EML4: variants seen among roughly 807,000 people sequenced by gnomAD.
EML4 encodes the protein echinoderm microtubule-associated protein-like 4.
EML4 carries 72 observed loss-of-function variants against 129.0 expected under a neutral mutation model. The observed-to-expected ratio is 0.56, with a 90% CI of 0.46 to 0.68. The LOEUF (loss-of-function observed/expected upper bound fraction) is 0.68, where lower values mean the gene tolerates loss of function less well. Among genes scored for constraint, EML4 ranks in the 30% least tolerant of loss-of-function variants. EML4 has a pLI of 0.00. For synonymous variants in EML4, 532 were observed against 405.0 expected (o/e 1.31, Z -3.77); for missense variants, 1,363 against 1,190.6 (o/e 1.14, Z -2.13).
intron 17 of EML4, among the ~76,000 whole-genome samples, chr2:42,306,055 T>G (rs1668576552): frequency 6.6e-6 from 1 of 152,228 alleles, no homozygotes; most frequent in Non-Finnish European, 1.5e-5. Flanking sequence ...GAGATGCTAT[T>G]GAGTGAAATC....
chr2:42,242,857 A>G (rs957105094), intron 1 of EML4, among the ~76,000 whole-genome samples: 1 of 151,626 alleles, frequency 6.6e-6, no homozygotes, highest in African/African-American at 2.4e-5. Flanking sequence ...CTTGAATTAA[A>G]CCCATCTTTG....
At chr2:42,214,704 T>C (rs1159000514) in intron 1 of EML4, among the ~76,000 whole-genome samples, 1 of 152,178 alleles carries the variant, frequency 6.6e-6, no homozygotes, top group African/African-American at 2.4e-5. Context: ...GTCGTACCTT[T>C]TGCATGTCTG....
chr2:42,186,152 A>G (rs1272385160), intron 1 of EML4, among the ~76,000 whole-genome samples: 1 of 152,118 alleles, frequency 6.6e-6, no homozygotes, highest in Non-Finnish European at 1.5e-5. Flanking sequence ...CTGCCTACCT[A>G]CTTTGGATTG....
At chr2:42,238,959 G>C (rs986255597) in intron 1 of EML4, among the ~76,000 whole-genome samples, 2 of 152,008 alleles carry the variant, frequency 1.3e-5, no homozygotes, top group African/African-American at 4.8e-5. Context: ...TGTAGAGACA[G>C]GGTCACCCTA....
chr2:42,250,859 C>T (rs1675720526), intron 2 of EML4, among the ~76,000 whole-genome samples: 1 of 152,008 alleles, frequency 6.6e-6, no homozygotes, highest in African/African-American at 2.4e-5. Context: ...CGTTGGGAGC[C>T]CTGAGTTTGT....
chr2:42,329,804 A>C lies in EML4; in HGVS notation c.2543A>C (p.His848Pro). ...TNVSFTHNDS[H>P]LISTGGKDMS... ...GTCAGTTTTACTCACAATGACAGTCACCTGATATCAACTGGTGGAAAAGAC... is the reference window on the plus strand; with the variant it reads ...GTCAGTTTTACTCACAATGACAGTCCCCTGATATCAACTGGTGGAAAAGAC... The change falls in exon 23 of 23, where the codon CAC (histidine) becomes CCC (proline). Residue 848 changes from histidine to proline, a missense_variant. By Grantham distance (77) the His-to-Pro change is moderately conservative. Transcript: ENST00000318522. 2 of 1,614,152 alleles carry C rather than the reference A, an allele frequency of 1.2e-6. No homozygotes were observed. Among genetic ancestry groups the C allele is most frequent in the Non-Finnish European group, 1.7e-6 (2 of 1,180,018 alleles).
intron 1 of EML4, among the ~76,000 whole-genome samples, chr2:42,231,847 G>A (rs936952372): frequency 6.6e-6 from 1 of 152,138 alleles, no homozygotes; most frequent in Non-Finnish European, 1.5e-5. Context: ...TACTCAGGAG[G>A]CTGAGGTGGG....
At chr2:42,310,441 G>A (rs529256469) in intron 17 of EML4, among the ~76,000 whole-genome samples, 42 of 152,138 alleles carry the variant, frequency 2.8e-4, no homozygotes, top group South Asian at 6.2e-4. Flanking sequence ...TGCCTCCTGG[G>A]TTCAAGTGAT....
chr2:42,277,753 G>A (rs13429038), intron 6 of EML4, among the ~76,000 whole-genome samples: 1 of 152,034 alleles, frequency 6.6e-6, no homozygotes, highest in African/African-American at 2.4e-5. Context: ...ATTTTTAGTA[G>A]AGACGGGGTT....
intron 2 of EML4, among the ~76,000 whole-genome samples, chr2:42,255,624 G>A (rs1676087132): frequency 6.6e-6 from 1 of 152,062 alleles, no homozygotes; most frequent in South Asian, 2.1e-4. Context: ...ATAATTTGAG[G>A]ATTAATGTAA....
intron 2 of EML4, among the ~76,000 whole-genome samples, chr2:42,248,047 A>G (rs919280116): frequency 1.3e-5 from 2 of 152,088 alleles, no homozygotes; most frequent in African/African-American, 4.8e-5. Context: ...ACCCAGGCTC[A>G]CTGTAACCTC....
At position 42,284,706 on chromosome 2, in the gene EML4, G is replaced by A; in HGVS notation, c.1011+3G>A. 6.2e-7 allele frequency: 1 copy of A among 1,610,982 alleles called. No homozygotes were observed. Among genetic ancestry groups the A allele is most frequent in the South Asian group, 1.1e-5 (1 of 90,634 alleles). ...CTGGCGTGGATAAAGATGGAAGGGT[G>A]AGTGGCATAGTGTTATGCCTTCTGT... On this transcript the variant is annotated splice_donor_region_variant and intron_variant, in intron 9 of 22. Transcript: ENST00000318522.
Position 42,253,273 on chromosome 2 carries a change from A to C in EML4, c.209-3228A>C, listed in dbSNP as rs558453595. ...GTTAAGGAATTTAGTTTTCATCCTG[A>C]AGGTAGTGGAGAGCCACTAAAGAAT... is the stretch of plus-strand genomic sequence containing the variant. On this transcript the variant is annotated intron_variant, in intron 2 of 22. Transcript: ENST00000318522. Among the ~76,000 whole-genome samples the C allele has an allele frequency of 5.9e-5, 9 of 152,328 alleles. No homozygotes were observed. In the East Asian group the frequency reaches 1.7e-3, roughly 29 times the overall value.
At chr2:42,246,917 A>G (rs1675438007) in intron 2 of EML4, among the ~76,000 whole-genome samples, 1 of 152,252 alleles carries the variant, frequency 6.6e-6, no homozygotes, top group Admixed American at 6.5e-5. Flanking sequence ...GTGGAGTAAT[A>G]GAACTGCAAA....
chr2:42,327,079 A>G (rs1290295598), intron 21 of EML4, among the ~76,000 whole-genome samples: 2 of 152,160 alleles, frequency 1.3e-5, no homozygotes, highest in African/African-American at 4.8e-5. Context: ...TATAGTTTAT[A>G]TAAGGGGAAT....
At chr2:42,211,432 T>G (rs182460412) in intron 1 of EML4, among the ~76,000 whole-genome samples, 14 of 152,322 alleles carry the variant, frequency 9.2e-5, no homozygotes, top group Admixed American at 9.2e-4. Flanking sequence ...TGATTGAACA[T>G]TATCTACAGA....
Position 42,331,933 on chromosome 2 carries a change from G to A in EML4, c.*1726G>A, listed in dbSNP as rs1377472309. The A allele has an allele frequency of 4.6e-6, 1 of 217,510 alleles. No homozygotes were observed. Among genetic ancestry groups the A allele is most frequent in the Non-Finnish European group, 9.3e-6 (1 of 107,972 alleles). The allele number at this position is 217,510 out of a possible 1,614,324, so 13.5% of individuals were successfully genotyped here. On this transcript the variant is annotated 3_prime_UTR_variant, in exon 23 of 23. Transcript: ENST00000318522. ...TATATCTTTCCTTTTGTTTACAACT[G>A]TTAAAAAACCTCAAAATAGTTCTCT...
intron 3 of EML4, among the ~76,000 whole-genome samples, chr2:42,259,935 T>C (rs1665616889): frequency 6.6e-6 from 1 of 151,972 alleles, no homozygotes. Context: ...TTTCACCATG[T>C]TAGGCAGGAT....
chr2:42,271,880 A>G (rs1410660601), intron 6 of EML4, among the ~76,000 whole-genome samples: 1 of 152,122 alleles, frequency 6.6e-6, no homozygotes, highest in Non-Finnish European at 1.5e-5. Flanking sequence ...AGGTGGGCAG[A>G]TCACCTGAGG....
Sources: gnomAD v4.1 joint callset for allele counts (sites outside exome capture counted in the v4.1 genomes callset) on GRCh38, gnomAD v4.1.1 for gene constraint, MANE v1.5 for transcripts, NCBI Gene and HGNC (gene_info 2026-07-23, HGNC 2026-07-21) for gene names.